Variants in AOPEP observed in about 807,000 individuals in gnomAD.
The protein encoded by AOPEP is aminopeptidase O.
In AOPEP, 77 loss-of-function variants were observed where a neutral mutation model predicts 98.1. That is an observed-to-expected ratio of 0.78 (90% confidence interval 0.65 to 0.95). The LOEUF (loss-of-function observed/expected upper bound fraction) is 0.95. Among genes scored for constraint, AOPEP ranks in the 40% least tolerant of loss-of-function variants. AOPEP has a pLI of 0.00. For synonymous variants in AOPEP, 346 were observed against 365.3 expected (o/e 0.95, Z 0.60); for missense variants, 1,024 against 1,024.7 (o/e 1.00, Z 0.01).
chr9:94,920,805 A>G (rs766723007), intron 5 of AOPEP, among the ~76,000 whole-genome samples: 14 of 152,088 alleles, frequency 9.2e-5, no homozygotes, highest in Middle Eastern at 3.2e-3. Flanking sequence ...GATATTTTTA[A>G]TCTCGAGGGG....
At chr9:95,041,087 G>A (rs916333772) in intron 13 of AOPEP, among the ~76,000 whole-genome samples, 1 of 150,952 alleles carries the variant, frequency 6.6e-6, no homozygotes, top group African/African-American at 2.4e-5. Context: ...TTGATCGTGT[G>A]GATATGTGAA....
intron 5 of AOPEP, among the ~76,000 whole-genome samples, chr9:94,810,512 A>G (rs1375311338): frequency 6.6e-6 from 1 of 151,832 alleles, no homozygotes; most frequent in African/African-American, 2.4e-5. Flanking sequence ...ATGAGGTTTC[A>G]CCATGTTGGC....
intron 5 of AOPEP, among the ~76,000 whole-genome samples, chr9:94,909,856 G>T (rs963593872): frequency 1.3e-5 from 2 of 152,160 alleles, no homozygotes; most frequent in Non-Finnish European, 2.9e-5. Context: ...GCACACAGCA[G>T]CTCCCACCCC....
the AOPEP span, chr9:95,101,276 A>G: frequency 2.8e-4 from 88 of 309,404 alleles, no homozygotes; most frequent in East Asian, 8.6e-4. Flanking sequence ...GACTCCTAAA[A>G]AGAGTCTAAA....
At chr9:94,841,642 C>CACTT (rs1216722759) in intron 5 of AOPEP, among the ~76,000 whole-genome samples, 1 of 152,152 alleles carries the variant, frequency 6.6e-6, no homozygotes, top group African/African-American at 2.4e-5. Flanking sequence ...TTAGTTAATT[C>CACTT]ACTTACGTCA....
intron 13 of AOPEP, among the ~76,000 whole-genome samples, chr9:95,033,239 T>G (rs1028665898): frequency 6.6e-6 from 1 of 152,206 alleles, no homozygotes; most frequent in African/African-American, 2.4e-5. Context: ...CCTTTTTCTC[T>G]TGTACTTTTG....
intron 7 of AOPEP, chr9:94,932,146 A>G: frequency 3.0e-6 from 3 of 1,000,416 alleles, no homozygotes; most frequent in Non-Finnish European, 3.6e-6. Flanking sequence ...ACAAATAAAA[A>G]AACAAACAAA....
intron 13 of AOPEP, among the ~76,000 whole-genome samples, chr9:95,025,894 G>A (rs767422562): frequency 1.3e-5 from 2 of 152,120 alleles, no homozygotes; most frequent in Non-Finnish European, 2.9e-5. Flanking sequence ...CACTGCCTCC[G>A]CCGGCAGCAA....
intron 13 of AOPEP, among the ~76,000 whole-genome samples, chr9:95,028,666 C>T (rs2064041526): frequency 6.6e-6 from 1 of 152,184 alleles, no homozygotes; most frequent in Non-Finnish European, 1.5e-5. Context: ...TGAGTGACCA[C>T]CTGCCACAGC....
chr9:94,961,194 C>T (rs1048629506), intron 9 of AOPEP, among the ~76,000 whole-genome samples: 1 of 152,268 alleles, frequency 6.6e-6, no homozygotes, highest in Admixed American at 6.5e-5. Flanking sequence ...TTCCCCCTTT[C>T]TGCCTCTTAG....
At chr9:95,043,706 C>G (rs2065571593) in intron 13 of AOPEP, among the ~76,000 whole-genome samples, 1 of 152,106 alleles carries the variant, frequency 6.6e-6, no homozygotes, top group African/African-American at 2.4e-5. Context: ...GTTTGTCACC[C>G]AGGCTGGAAT....
intron 13 of AOPEP, chr9:95,056,647 C>A (rs1490602022): frequency 2.0e-5 from 3 of 152,078 alleles, no homozygotes; most frequent in Admixed American, 1.3e-4. Flanking sequence ...ATTTTCTTTC[C>A]AGGAGCATGC....
At chr9:95,082,432 C>T (rs1011774060) in intron 15 of AOPEP, 143 bp from the exon 16 acceptor site, 5 of 852,294 alleles carry the variant, frequency 5.9e-6, no homozygotes, top group Non-Finnish European at 8.7e-6. Context: ...GCACAGTCAG[C>T]CCACGGCCTC....
chr9:94,997,591 G>A (rs892290893), intron 11 of AOPEP, among the ~76,000 whole-genome samples: 2 of 152,178 alleles, frequency 1.3e-5, no homozygotes, highest in Non-Finnish European at 2.9e-5. Flanking sequence ...GTGGTCACCT[G>A]GGCATTGAGA....
chr9:95,044,460 C>T (rs894512265), intron 13 of AOPEP, among the ~76,000 whole-genome samples: 5 of 152,138 alleles, frequency 3.3e-5, no homozygotes, highest in Admixed American at 1.3e-4. Flanking sequence ...GCATCATGCG[C>T]AGCAGCACTC....
chr9:94,995,548 T>C (rs1242478714), intron 11 of AOPEP, among the ~76,000 whole-genome samples: 1 of 152,128 alleles, frequency 6.6e-6, no homozygotes, highest in Non-Finnish European at 1.5e-5. Flanking sequence ...CAGGGTGACA[T>C]GTAAAAACAG....
At chr9:95,127,870 T>C in the AOPEP span, among the ~76,000 whole-genome samples, 1 of 152,254 alleles carries the variant, frequency 6.6e-6, no homozygotes, top group Non-Finnish European at 1.5e-5. Context: ...GCAGGAGCTC[T>C]GCCACTTTTT....
chr9:95,105,809 T>A, the AOPEP span, among the ~76,000 whole-genome samples: 1 of 152,256 alleles, frequency 6.6e-6, no homozygotes, highest in Non-Finnish European at 1.5e-5. Flanking sequence ...TCAGAACCTC[T>A]TTCCATCTTC....
chr9:94,847,565 A>G (rs2043019258), intron 5 of AOPEP, among the ~76,000 whole-genome samples: 1 of 152,244 alleles, frequency 6.6e-6, no homozygotes, highest in Non-Finnish European at 1.5e-5. Context: ...GATTGAAGAA[A>G]ATCAAATTAA....
Sources: allele counts gnomAD v4.1 joint callset (sites outside exome capture counted in the v4.1 genomes callset), GRCh38; gene constraint gnomAD v4.1.1; transcripts MANE v1.5; gene names NCBI Gene and HGNC (gene_info 2026-07-23, HGNC 2026-07-21).